Variants in MDGA2 observed in about 807,000 individuals in gnomAD.
MDGA2 encodes the protein MAM domain containing glycosylphosphatidylinositol anchor 2, also known as MAM domain-containing glycosylphosphatidylinositol anchor protein 2.
MDGA2 carries 40 observed loss-of-function variants against 117.8 expected under a neutral mutation model. The observed-to-expected ratio is 0.34, with a 90% CI of 0.26 to 0.44. The LOEUF is 0.44. Among genes scored for constraint, MDGA2 ranks in the 20% least tolerant of loss-of-function variants. The probability of loss-of-function intolerance (pLI) is 1.00; values close to 1 mark genes in which losing one functional copy is unlikely to be tolerated. For synonymous variants in MDGA2, 452 were observed against 439.0 expected (o/e 1.03, Z -0.37); for missense variants, 1,123 against 1,250.6 (o/e 0.90, Z 1.54).
At chr14:47,377,342 C>T (rs1051128745) in intron 1 of MDGA2, among the ~76,000 whole-genome samples, 8 of 152,188 alleles carry the variant, frequency 5.3e-5, no homozygotes, top group Middle Eastern at 6.8e-3. Flanking sequence ...ACTGAGGTAC[C>T]GGGTTCATCT....
rs1594928232 is a variant in MDGA2, at chr14:47,581,006, T to C, written c.280+93511A>G. Among the ~76,000 whole-genome samples the C allele has an allele frequency of 2.6e-5, 4 of 151,996 alleles. No individual in the cohort carries two copies. The Admixed American group carries it at 2.6e-4, about 10-fold the overall frequency. The stretch of plus-strand genomic sequence containing the variant: ...CAACCACACTGAGCAAAGCAAAATT[T>C]TAATCACGTGAAATCAGGAAAGCAC... On this transcript the variant is annotated intron_variant, in intron 1 of 16. Coordinates refer to ENST00000399232, the MANE Select transcript of MDGA2 (RefSeq NM_001113498.3).
chr14:47,111,868 TA>T (rs2139058554), intron 5 of MDGA2, among the ~76,000 whole-genome samples: 2 of 152,170 alleles, frequency 1.3e-5, no homozygotes, highest in South Asian at 4.2e-4. Context: ...AATGCCAGAT[TA>T]AAAAAGATAA....
intron 1 of MDGA2, among the ~76,000 whole-genome samples, chr14:47,383,163 T>C (rs910221615): frequency 3.3e-5 from 5 of 152,026 alleles, no homozygotes; most frequent in Admixed American, 3.3e-4. Context: ...ATGAGAACAC[T>C]TGGACACAGG....
chr14:46,868,873 G>C (rs938176237), intron 14 of MDGA2, among the ~76,000 whole-genome samples: 1 of 151,956 alleles, frequency 6.6e-6, no homozygotes, highest in Non-Finnish European at 1.5e-5. Flanking sequence ...CAACTTCCAT[G>C]TCAGCTTGCT....
intron 1 of MDGA2, among the ~76,000 whole-genome samples, chr14:47,542,231 T>C (rs1025890281): frequency 1.3e-5 from 2 of 152,224 alleles, no homozygotes; most frequent in Non-Finnish European, 2.9e-5. Context: ...CCACTTGTGT[T>C]CCATGATTCT....
At chr14:47,393,288 C>A (rs1295974865) in intron 1 of MDGA2, among the ~76,000 whole-genome samples, 3 of 151,656 alleles carry the variant, frequency 2.0e-5, no homozygotes, top group Non-Finnish European at 4.4e-5. Flanking sequence ...GGCAAAATAA[C>A]TTACTTCCAA....
At chr14:47,383,370 T>C (rs1335359268) in intron 1 of MDGA2, among the ~76,000 whole-genome samples, 4 of 152,104 alleles carry the variant, frequency 2.6e-5, no homozygotes, top group South Asian at 2.1e-4. Context: ...AAGAAAAATA[T>C]ACTGGATTAC....
rs577833520 is a variant in MDGA2 at position 46,923,436 on chromosome 14, CAA to C, written c.2090-3278_2090-3277del. On this transcript the variant is annotated intron_variant, in intron 9 of 16. Coordinates refer to ENST00000399232, the MANE Select transcript of MDGA2 (RefSeq NM_001113498.3). ...GGTTATACAAATAAATAATCAAATA[CAA>C]TAAGATCCGTTACTTTTTTTACTTA... Among the ~76,000 whole-genome samples the C allele has an allele frequency of 2.7e-3, 403 of 151,930 alleles. 8 individuals carry two copies. The highest frequency in any genetic ancestry group is 2.1e-3 in the East Asian group (11 of 5,160).
intron 3 of MDGA2, among the ~76,000 whole-genome samples, chr14:47,204,941 G>C (rs1018356082): frequency 6.6e-6 from 1 of 151,752 alleles, no homozygotes; most frequent in Non-Finnish European, 1.5e-5. Flanking sequence ...ACTTAAATTG[G>C]AGTGGCCTAA....
intron 5 of MDGA2, among the ~76,000 whole-genome samples, chr14:47,118,972 G>C (rs191189431): frequency 2.4e-4 from 37 of 151,882 alleles, no homozygotes; most frequent in Non-Finnish European, 4.9e-4. Flanking sequence ...TCCCAGCCTT[G>C]AGCAATCCTC....
At chr14:47,290,724 A>G (rs1888855351) in intron 2 of MDGA2, among the ~76,000 whole-genome samples, 1 of 152,114 alleles carries the variant, frequency 6.6e-6, no homozygotes. Flanking sequence ...AATTCTATAA[A>G]AAGGAGTTTA....
chr14:46,867,300 C>A (rs1281212221), intron 14 of MDGA2, among the ~76,000 whole-genome samples: 1 of 145,450 alleles, frequency 6.9e-6, no homozygotes, highest in South Asian at 2.2e-4. Flanking sequence ...GAACAAAAAA[C>A]CAAACACCGC....
chr14:47,176,952 T>C (rs1419162966), intron 3 of MDGA2, among the ~76,000 whole-genome samples: 15 of 150,876 alleles, frequency 9.9e-5, no homozygotes, highest in African/African-American at 1.9e-4. Context: ...AACAAATTTA[T>C]AAGAAAAAAA....
chr14:46,948,493 GA>G (rs1286464358), intron 9 of MDGA2, among the ~76,000 whole-genome samples: 1 of 151,906 alleles, frequency 6.6e-6, no homozygotes, highest in Non-Finnish European at 1.5e-5. Context: ...CTCTCAGTTT[GA>G]AATACTCTAG....
Position 47,084,240 on chromosome 14 carries a change from G to C in MDGA2, c.1195+12614C>G, listed in dbSNP as rs368081497. On this transcript the variant is annotated intron_variant, in intron 6 of 16. Transcript: ENST00000399232. ...AATTAAAAGAGAAATAAGTGACAGAGAGATTATAGGAAATCTCCAAATTCT... is the reference window on the plus strand; with the variant it reads ...AATTAAAAGAGAAATAAGTGACAGACAGATTATAGGAAATCTCCAAATTCT... Among the ~76,000 whole-genome samples, 154 of 152,132 alleles carry C rather than the reference G, an allele frequency of 1.0e-3. 2 individuals are homozygous for C. Among genetic ancestry groups the C allele is most frequent in the African/African-American group, 3.5e-3 (146 of 41,520 alleles).
chr14:47,526,246 T>C (rs993439363), intron 1 of MDGA2, among the ~76,000 whole-genome samples: 3 of 152,196 alleles, frequency 2.0e-5, no homozygotes, highest in Non-Finnish European at 2.9e-5. Context: ...TGAACCTGTT[T>C]ATCAGCATGC....
chr14:47,144,729 GC>G (rs1024702166), intron 3 of MDGA2, among the ~76,000 whole-genome samples: 1 of 151,674 alleles, frequency 6.6e-6, no homozygotes, highest in African/African-American at 2.4e-5. Flanking sequence ...GCTTACTGCA[GC>G]CTCAACCTCC....
At chr14:47,635,584 G>A (rs1897308566) in intron 1 of MDGA2, among the ~76,000 whole-genome samples, 1 of 152,106 alleles carries the variant, frequency 6.6e-6, no homozygotes. Context: ...CATATTAAAT[G>A]TACTTTGATG....
intron 1 of MDGA2, among the ~76,000 whole-genome samples, chr14:47,587,891 A>G (rs1263072583): frequency 6.6e-6 from 1 of 151,862 alleles, no homozygotes; most frequent in African/African-American, 2.4e-5. Context: ...CTTGCCACCC[A>G]TTAGACACTC....
Sources: allele counts gnomAD v4.1 joint callset (sites outside exome capture counted in the v4.1 genomes callset), GRCh38; gene constraint gnomAD v4.1.1; transcripts MANE v1.5; gene names NCBI Gene and HGNC (gene_info 2026-07-23, HGNC 2026-07-21).